The following SERGEF variants were observed in gnomAD, a reference collection of about 807,000 sequenced individuals.
SERGEF encodes secretion-regulating guanine nucleotide exchange factor.
Under a neutral mutation model 50.0 loss-of-function variants are expected in SERGEF, and 51 were observed. The observed-to-expected ratio is 1.02, with a 90% CI of 0.81 to 1.29. The LOEUF (loss-of-function observed/expected upper bound fraction) is 1.29. SERGEF is among the 50% of genes most tolerant of loss of function. The pLI is 0.00. For synonymous variants in SERGEF, 205 were observed against 212.4 expected (o/e 0.97, Z 0.30); for missense variants, 521 against 557.0 (o/e 0.94, Z 0.65).
At chr11:17,814,194 G>C (rs184554430) in intron 10 of SERGEF, among the ~76,000 whole-genome samples, 2 of 151,826 alleles carry the variant, frequency 1.3e-5, no homozygotes, top group East Asian at 3.9e-4. Context: ...TTTCTGTAAA[G>C]GTATTTTTTA....
At chr11:17,876,032 C>G (rs556589849) in intron 10 of SERGEF, among the ~76,000 whole-genome samples, 1 of 152,334 alleles carries the variant, frequency 6.6e-6, no homozygotes, top group Admixed American at 6.5e-5. Context: ...TTGTCTCCCT[C>G]TTGCTAGCCT....
chr11:17,984,478 C>T (rs1237978416), intron 8 of SERGEF, among the ~76,000 whole-genome samples: 1 of 152,182 alleles, frequency 6.6e-6, no homozygotes, highest in African/African-American at 2.4e-5. Context: ...CTAAACCATT[C>T]ATGAGAAATG....
chr11:17,812,854 C>T (rs1381435909), intron 10 of SERGEF, among the ~76,000 whole-genome samples: 4 of 152,194 alleles, frequency 2.6e-5, no homozygotes, highest in Admixed American at 2.6e-4. Context: ...ATCTGAGTAG[C>T]TGGAGACCAA....
intron 9 of SERGEF, among the ~76,000 whole-genome samples, chr11:17,937,449 A>G (rs1852474646): frequency 6.6e-6 from 1 of 152,132 alleles, no homozygotes; most frequent in Non-Finnish European, 1.5e-5. Flanking sequence ...AGGCATGAGA[A>G]TTGCTTCAAC....
intron 10 of SERGEF, among the ~76,000 whole-genome samples, chr11:17,845,220 A>G (rs1408371434): frequency 6.6e-6 from 1 of 151,934 alleles, no homozygotes; most frequent in Non-Finnish European, 1.5e-5. Flanking sequence ...CAACTTCTTC[A>G]TGTCCATTTT....
intron 4 of SERGEF, chr11:18,002,087 C>T (rs1853974802): frequency 2.2e-6 from 1 of 453,054 alleles, no homozygotes. Flanking sequence ...ATCACATTAG[C>T]TTACGAGAAG....
intron 10 of SERGEF, among the ~76,000 whole-genome samples, chr11:17,830,685 A>AGAGAGAGAGAGAGC (rs540825238): frequency 0.01 from 1,244 of 118,830 alleles, 149 homozygotes; most frequent in East Asian, 0.019. Context: ...AGAGAGAGAG[A>AGAGAGAGAGAGAGC]GAGCACATGT....
At chr11:17,885,992 G>T (rs551143481) in intron 9 of SERGEF, among the ~76,000 whole-genome samples, 1 of 152,270 alleles carries the variant, frequency 6.6e-6, no homozygotes, top group East Asian at 1.9e-4. Flanking sequence ...CGAGTATGGG[G>T]CATGTCAGTG....
At position 17,890,103 on chromosome 11, in the gene SERGEF, C is replaced by T. The variant is rs141582523; in HGVS notation, c.1012-11859G>A. Among the ~76,000 whole-genome samples the T allele has an allele frequency of 3.7e-3, 552 of 150,710 alleles. 2 individuals are homozygous for T. Among genetic ancestry groups the T allele is most frequent in the African/African-American group, 0.013 (529 of 41,078 alleles). On this transcript the variant is annotated intron_variant, in intron 9 of 10. Transcript: ENST00000265965. ...TGAGGAAAGTGGCCAAGCATCAGAA[C>T]CTACATGAGAAAAGTGGCTAAGAAG...
chr11:18,005,200 G>C (rs1245476399), intron 3 of SERGEF, among the ~76,000 whole-genome samples: 1 of 152,180 alleles, frequency 6.6e-6, no homozygotes, highest in African/African-American at 2.4e-5. Flanking sequence ...GCAGGAAAGA[G>C]CATTATCTAC....
chr11:17,956,943 C>T (rs911935357), intron 9 of SERGEF, among the ~76,000 whole-genome samples: 48 of 152,296 alleles, frequency 3.2e-4, no homozygotes, highest in African/African-American at 1.1e-3. Flanking sequence ...TGCCTCCTGG[C>T]CTGGCTCTCT....
chr11:18,003,971 T>G (rs970879877), intron 4 of SERGEF, among the ~76,000 whole-genome samples: 7 of 152,238 alleles, frequency 4.6e-5, no homozygotes, highest in Non-Finnish European at 8.8e-5. Context: ...ATAATGCTGT[T>G]ATTTTAAAAA....
At chr11:17,800,524 C>T (rs1432942687) in intron 10 of SERGEF, among the ~76,000 whole-genome samples, 1 of 152,182 alleles carries the variant, frequency 6.6e-6, no homozygotes, top group Non-Finnish European at 1.5e-5. Context: ...CAATAATATT[C>T]AAGCAGTTGC....
intron 8 of SERGEF, among the ~76,000 whole-genome samples, chr11:17,975,240 T>C (rs771525371): frequency 6.6e-6 from 1 of 152,178 alleles, no homozygotes; most frequent in Non-Finnish European, 1.5e-5. Context: ...GGTTTCCTCA[T>C]GTGTAAAATG....
chr11:17,937,382 C>A lies in SERGEF; in HGVS notation c.1011+22088G>T, dbSNP rs534278201. 1.1e-3 allele frequency among the ~76,000 whole-genome samples: 174 copies of A among 152,032 alleles called. 2 individuals are homozygous for A. The highest frequency in any genetic ancestry group is 2.1e-3 in the Non-Finnish European group (141 of 67,986). On this transcript the variant is annotated intron_variant, in intron 9 of 10. Transcript: ENST00000265965. ...TTCCATCTCTACTAACAAAGAAATA[C>A]AAAAAACAGCCAGGCGTGGTGGTGC... is the stretch of plus-strand genomic sequence containing the variant.
chr11:17,919,119 G>A lies in SERGEF; in HGVS notation c.1011+40351C>T, dbSNP rs796748629. On this transcript the variant is annotated intron_variant, in intron 9 of 10. Transcript: ENST00000265965. Reference sequence around the variant, plus strand: ...GGTAAAAACAAACATTTCTGAATTGGTATTATAATTATTTCAAGTCTGCTT... The same window carrying A: ...GGTAAAAACAAACATTTCTGAATTGATATTATAATTATTTCAAGTCTGCTT... Among the ~76,000 whole-genome samples the A allele has an allele frequency of 2.6e-5, 4 of 152,126 alleles. No homozygotes were observed. The South Asian group carries it at 6.2e-4, about 24-fold the overall frequency.
At chr11:17,918,820 C>G (rs1000198406) in intron 9 of SERGEF, 2 of 393,606 alleles carry the variant, frequency 5.1e-6, no homozygotes, top group Non-Finnish European at 1.0e-5. Flanking sequence ...AAAAGCACTC[C>G]TGGCAAAGGG....
intron 10 of SERGEF, among the ~76,000 whole-genome samples, chr11:17,791,588 A>T (rs988519947): frequency 6.6e-6 from 1 of 152,226 alleles, no homozygotes; most frequent in Non-Finnish European, 1.5e-5. Flanking sequence ...CTATCTGCTT[A>T]TATCTTTTTC....
chr11:17,808,680 C>T (rs1849810453), intron 10 of SERGEF, among the ~76,000 whole-genome samples: 1 of 152,218 alleles, frequency 6.6e-6, no homozygotes, highest in Non-Finnish European at 1.5e-5. Context: ...CAAATGGGCC[C>T]TCCAGGATAG....
Sources: gnomAD v4.1 joint callset for allele counts (sites outside exome capture counted in the v4.1 genomes callset) on GRCh38, gnomAD v4.1.1 for gene constraint, MANE v1.5 for transcripts, NCBI Gene and HGNC (gene_info 2026-07-23, HGNC 2026-07-21) for gene names.